Variants in SLC24A2 observed in about 807,000 individuals in gnomAD.
The protein encoded by SLC24A2 is sodium/potassium/calcium exchanger 2.
In SLC24A2, 36 loss-of-function variants were observed where a neutral mutation model predicts 62.0. The ratio of observed to expected loss-of-function variants is 0.58; its 90% CI spans 0.44 to 0.77. The LOEUF is 0.77. Ranked by LOEUF, SLC24A2 falls within the 30% of genes least tolerant of loss-of-function variation. The pLI is 0.00. For synonymous variants in SLC24A2, 358 were observed against 294.0 expected, an observed-to-expected ratio of 1.22 and a Z score of -2.23; for missense variants, 846 against 817.9, an observed-to-expected ratio of 1.03 and a Z score of -0.42.
At chr9:19,648,404 A>G (rs940592361) in intron 2 of SLC24A2, among the ~76,000 whole-genome samples, 1 of 152,182 alleles carries the variant, frequency 6.6e-6, no homozygotes, top group African/African-American at 2.4e-5. Flanking sequence ...AAATCTAAGC[A>G]CCCAAAGGAG....
chr9:19,949,114 C>T, the SLC24A2 span, among the ~76,000 whole-genome samples: 2 of 152,100 alleles, frequency 1.3e-5, no homozygotes, highest in Admixed American at 6.5e-5. Flanking sequence ...CTGCCTCAGC[C>T]TCCTGAGAAG....
chr9:19,529,243 C>A (rs925065528), intron 8 of SLC24A2, among the ~76,000 whole-genome samples: 1 of 152,096 alleles, frequency 6.6e-6, no homozygotes, highest in Non-Finnish European at 1.5e-5. Flanking sequence ...TGAAAGTAAT[C>A]TCAATTGTCC....
At chr9:20,183,423 T>C in the SLC24A2 span, among the ~76,000 whole-genome samples, 20 of 152,178 alleles carry the variant, frequency 1.3e-4, no homozygotes, top group African/African-American at 4.8e-4. Context: ...CTTTGGAGAG[T>C]TGCTTACTGG....
chr9:20,048,787 A>G, the SLC24A2 span, among the ~76,000 whole-genome samples: 2 of 151,932 alleles, frequency 1.3e-5, no homozygotes, highest in Admixed American at 6.6e-5. Context: ...AAAAGATTTT[A>G]TAAGTAGCAA....
At chr9:20,080,302 G>C in the SLC24A2 span, among the ~76,000 whole-genome samples, 1 of 152,224 alleles carries the variant, frequency 6.6e-6, no homozygotes, top group Admixed American at 6.5e-5. Flanking sequence ...GAACAGAACA[G>C]AGTGCTCAGA....
the SLC24A2 span, among the ~76,000 whole-genome samples, chr9:19,998,637 C>T: frequency 6.6e-6 from 1 of 152,236 alleles, no homozygotes; most frequent in South Asian, 2.1e-4. Context: ...CCTTTGTGTG[C>T]TCCCACATGG....
At chr9:20,130,331 A>G in the SLC24A2 span, among the ~76,000 whole-genome samples, 1 of 152,086 alleles carries the variant, frequency 6.6e-6, no homozygotes, top group Admixed American at 6.6e-5. Context: ...CGGTGTTATG[A>G]AAAAAATAAA....
At chr9:19,631,374 G>C (rs546884303) in intron 2 of SLC24A2, among the ~76,000 whole-genome samples, 51 of 152,220 alleles carry the variant, frequency 3.4e-4, no homozygotes, top group African/African-American at 1.2e-3. Flanking sequence ...TGGCATGTGT[G>C]CTCTGACTAG....
At chr9:20,176,143 G>C in the SLC24A2 span, among the ~76,000 whole-genome samples, 1 of 151,984 alleles carries the variant, frequency 6.6e-6, no homozygotes, top group African/African-American at 2.4e-5. Context: ...AGGTTTTTCA[G>C]GTTTTTGGTC....
At chr9:19,961,147 G>C in the SLC24A2 span, among the ~76,000 whole-genome samples, 2 of 149,792 alleles carry the variant, frequency 1.3e-5, no homozygotes, top group Non-Finnish European at 1.5e-5. Context: ...AGGGGAGAGA[G>C]AGAGAGAGAG....
chr9:19,709,935 C>A (rs1420451368), intron 2 of SLC24A2, among the ~76,000 whole-genome samples: 1 of 151,922 alleles, frequency 6.6e-6, no homozygotes, highest in East Asian at 1.9e-4. Flanking sequence ...AAATGAAGGA[C>A]CTTGAAGATG....
intron 2 of SLC24A2, among the ~76,000 whole-genome samples, chr9:19,733,804 G>T (rs548583882): frequency 5.9e-5 from 9 of 152,236 alleles, no homozygotes; most frequent in East Asian, 5.8e-4. Context: ...TATATTTATT[G>T]AGTGCCTTCT....
chr9:19,723,075 G>A (rs1038375708), intron 2 of SLC24A2, among the ~76,000 whole-genome samples: 6 of 152,098 alleles, frequency 3.9e-5, no homozygotes, highest in Admixed American at 3.9e-4. Flanking sequence ...GGGGGTGGTA[G>A]TGATAAAATT....
chr9:20,277,416 A>C, the SLC24A2 span, among the ~76,000 whole-genome samples: 59 of 151,822 alleles, frequency 3.9e-4, no homozygotes, highest in Non-Finnish European at 7.3e-5. Context: ...CCCATCAAAA[A>C]GTGGGCAAAG....
At chr9:20,136,681 G>A in the SLC24A2 span, among the ~76,000 whole-genome samples, 1 of 152,068 alleles carries the variant, frequency 6.6e-6, no homozygotes, top group African/African-American at 2.4e-5. Flanking sequence ...GTCTCACTTA[G>A]GATTAATGAT....
At chr9:19,662,240 TAGA>T (rs1197030148) in intron 2 of SLC24A2, among the ~76,000 whole-genome samples, 18 of 152,218 alleles carry the variant, frequency 1.2e-4, no homozygotes, top group African/African-American at 3.4e-4. Flanking sequence ...ATGTAATCAA[TAGA>T]AGAATTAGTA....
intron 4 of SLC24A2, among the ~76,000 whole-genome samples, chr9:19,606,643 AACAC>A (rs530164924): frequency 1.3e-5 from 2 of 151,862 alleles, no homozygotes; most frequent in African/African-American, 4.8e-5. Flanking sequence ...AATATATGAG[AACAC>A]ACACACACAC....
chr9:19,659,473 T>C (rs947105376), intron 2 of SLC24A2, among the ~76,000 whole-genome samples: 4 of 152,156 alleles, frequency 2.6e-5, no homozygotes, highest in Non-Finnish European at 5.9e-5. Context: ...AATTATTTTT[T>C]TGAGTGTGCT....
At chr9:19,551,633 G>A (rs1005251089) in intron 7 of SLC24A2, among the ~76,000 whole-genome samples, 5 of 152,128 alleles carry the variant, frequency 3.3e-5, no homozygotes, top group African/African-American at 9.7e-5. Context: ...TACCCCTGGG[G>A]CTCTTGCTTC....
Sources: allele counts gnomAD v4.1 joint callset (sites outside exome capture counted in the v4.1 genomes callset), GRCh38; gene constraint gnomAD v4.1.1; transcripts MANE v1.5; gene names NCBI Gene and HGNC (gene_info 2026-07-23, HGNC 2026-07-21).